SKAP2: variants seen among roughly 807,000 people sequenced by gnomAD.
SKAP2 encodes the protein src kinase associated phosphoprotein 2, also known as src kinase-associated phosphoprotein 2.
A neutral mutation model predicts 54.9 loss-of-function variants in SKAP2; 28 were observed. That is an observed-to-expected ratio of 0.51 (90% CI 0.38 to 0.70). The LOEUF (loss-of-function observed/expected upper bound fraction) is 0.70. Among genes scored for constraint, SKAP2 ranks in the 30% least tolerant of loss-of-function variants. The pLI is 0.00. For missense variants in SKAP2, 356 were observed against 424.1 expected, an observed-to-expected ratio of 0.84 and a Z score of 1.41; for synonymous variants, 137 against 134.3, an observed-to-expected ratio of 1.02 and a Z score of -0.14.
chr7:26,857,348 A>G (rs1785191987), intron 1 of SKAP2: 1 of 317,784 alleles, frequency 3.1e-6, no homozygotes, highest in Admixed American at 6.6e-5. Context: ...TTAAACTGGA[A>G]GCAGTTCCCG....
intron 4 of SKAP2, among the ~76,000 whole-genome samples, chr7:26,826,118 TACAC>T (rs10601131): frequency 4.8e-4 from 72 of 149,626 alleles, no homozygotes; most frequent in Non-Finnish European, 4.9e-4. Flanking sequence ...ATTCGTGCAA[TACAC>T]ACACACACAC....
At chr7:26,754,360 T>TCACA (rs59297270) in intron 4 of SKAP2, among the ~76,000 whole-genome samples, 1 of 138,024 alleles carries the variant, frequency 7.2e-6, no homozygotes, top group Non-Finnish European at 1.5e-5. Context: ...TGAGACTCCG[T>TCACA]CACACACACA....
intron 4 of SKAP2, among the ~76,000 whole-genome samples, chr7:26,767,467 C>A (rs2195899): frequency 0.38 from 57,885 of 151,830 alleles, 11,597 homozygotes; most frequent in Middle Eastern, 0.48. Flanking sequence ...TATCTCCTTC[C>A]GTTCTGCTCT....
At chr7:26,698,597 T>C (rs1443882601) in intron 9 of SKAP2, among the ~76,000 whole-genome samples, 2 of 152,242 alleles carry the variant, frequency 1.3e-5, no homozygotes, top group Middle Eastern at 3.2e-3. Flanking sequence ...TTTAATATTC[T>C]ATGTGACAAA....
rs181757064 is a variant in SKAP2 at position 26,752,505 on chromosome 7, G to A, written c.308-12541C>T. ...TCCCAAAAGCTTTGTTAAACTCAAG[G>A]ATAAGATCATAGAGTATCTATAGGA... On this transcript the variant is annotated intron_variant, in intron 4 of 12. Transcript: ENST00000345317. Among the ~76,000 whole-genome samples the A allele has an allele frequency of 4.9e-3, 749 of 152,156 alleles. 12 individuals are homozygous for A. The highest frequency in any genetic ancestry group is 0.027 in the Middle Eastern group (8 of 294).
downstream of SKAP2, among the ~76,000 whole-genome samples, chr7:26,666,674 A>C (rs1335875871): frequency 6.6e-6 from 1 of 152,198 alleles, no homozygotes; most frequent in Non-Finnish European, 1.5e-5. Flanking sequence ...TACTTTATGT[A>C]ATTATCTGTA....
At chr7:26,845,910 C>A (rs1256705215) in intron 3 of SKAP2, among the ~76,000 whole-genome samples, 2 of 151,978 alleles carry the variant, frequency 1.3e-5, no homozygotes, top group Non-Finnish European at 2.9e-5. Flanking sequence ...CCAGCCTGGG[C>A]AACAGACCAA....
chr7:26,841,228 C>G (rs1784810728), intron 4 of SKAP2, among the ~76,000 whole-genome samples: 1 of 151,902 alleles, frequency 6.6e-6, no homozygotes, highest in Non-Finnish European at 1.5e-5. Flanking sequence ...TACCAAGGTC[C>G]AATGCGAAAA....
intron 1 of SKAP2, among the ~76,000 whole-genome samples, chr7:26,862,955 TA>T (rs1401422646): frequency 2.0e-5 from 3 of 152,088 alleles, no homozygotes; most frequent in African/African-American, 7.2e-5. Flanking sequence ...TCCAGCATTG[TA>T]AAAACAAAAA....
chr7:26,864,492 G>A lies in SKAP2; in HGVS notation c.-63C>T. ...CTGAAAAGGTGACCGACGGGGTGGGGCTGCGGCTGCGACCTAGACTCAGGC... is the reference window on the plus strand; with the variant it reads ...CTGAAAAGGTGACCGACGGGGTGGGACTGCGGCTGCGACCTAGACTCAGGC... On this transcript the variant is annotated 5_prime_UTR_variant, in exon 1 of 13. Transcript: ENST00000345317. 1 of 1,540,118 alleles carries A rather than the reference G, an allele frequency of 6.5e-7. No individual in the cohort carries two copies. Among genetic ancestry groups the A allele is most frequent in the East Asian group, 2.3e-5 (1 of 42,638 alleles).
intron 4 of SKAP2, among the ~76,000 whole-genome samples, chr7:26,743,463 T>G (rs773074660): frequency 3.9e-5 from 6 of 152,132 alleles, no homozygotes; most frequent in Non-Finnish European, 2.9e-5. Flanking sequence ...GTTAAAAGAT[T>G]TCCCTTTACT....
chr7:26,706,062 T>C (rs1194010631), intron 9 of SKAP2, among the ~76,000 whole-genome samples: 1 of 152,148 alleles, frequency 6.6e-6, no homozygotes, highest in Non-Finnish European at 1.5e-5. Flanking sequence ...TTATTAAAAG[T>C]GAGAAATATA....
At chr7:26,804,092 A>G (rs1454004536) in intron 4 of SKAP2, among the ~76,000 whole-genome samples, 1 of 152,200 alleles carries the variant, frequency 6.6e-6, no homozygotes, top group Non-Finnish European at 1.5e-5. Flanking sequence ...TTAATTGTAT[A>G]TTTTAAAATA....
chr7:26,825,320 G>A (rs894326933), intron 4 of SKAP2, among the ~76,000 whole-genome samples: 1 of 151,716 alleles, frequency 6.6e-6, no homozygotes, highest in Non-Finnish European at 1.5e-5. Flanking sequence ...TATAATATAT[G>A]TATCTTCGCT....
chr7:26,765,985 A>G (rs537239889), intron 4 of SKAP2, among the ~76,000 whole-genome samples: 4 of 152,248 alleles, frequency 2.6e-5, no homozygotes, highest in Admixed American at 1.3e-4. Context: ...AATTTACAGT[A>G]GTTTTTTTCT....
rs1448834606 is a variant in SKAP2, at chr7:26,679,163, CT to C, written c.987+5572del. Among the ~76,000 whole-genome samples the C allele has an allele frequency of 1.3e-5, 2 of 152,212 alleles. 1 individual carries two copies. Among genetic ancestry groups the C allele is most frequent in the East Asian group, 3.8e-4 (2 of 5,196 alleles). ...GCTCACCTTGCCTCTCTGACACTGC[CT>C]TCTGGCTTTTCCTCTACCTGTCAGG... is the stretch of plus-strand genomic sequence containing the variant. On this transcript the variant is annotated intron_variant, in intron 11 of 12. Transcript: ENST00000345317.
intron 6 of SKAP2, among the ~76,000 whole-genome samples, chr7:26,735,315 G>A (rs1325567221): frequency 6.6e-6 from 1 of 152,132 alleles, no homozygotes; most frequent in Non-Finnish European, 1.5e-5. Flanking sequence ...TAAGACTCAC[G>A]ACAATCAAAG....
chr7:26,688,977 T>C (rs895326532), intron 10 of SKAP2, among the ~76,000 whole-genome samples: 1 of 152,328 alleles, frequency 6.6e-6, no homozygotes, highest in East Asian at 1.9e-4. Flanking sequence ...CTCAGTGTTT[T>C]ATAGCTTCAT....
rs149257362 is a variant in SKAP2 at position 26,696,562 on chromosome 7, A to C, written c.797-6200T>G. ...CTGTATCAAGTTTATTACCTTAGGA[A>C]CTGGGAGTTTTGCAACAATTTATTA... On this transcript the variant is annotated intron_variant, in intron 9 of 12. Coordinates refer to ENST00000345317, the MANE Select transcript of SKAP2 (RefSeq NM_003930.5). Among the ~76,000 whole-genome samples the C allele has an allele frequency of 5.7e-3, 862 of 152,350 alleles. 6 individuals carry two copies. The highest frequency in any genetic ancestry group is 0.02 in the African/African-American group (823 of 41,590).
Sources: allele counts gnomAD v4.1 joint callset (sites outside exome capture counted in the v4.1 genomes callset), GRCh38; gene constraint gnomAD v4.1.1; transcripts MANE v1.5; gene names NCBI Gene and HGNC (gene_info 2026-07-23, HGNC 2026-07-21).